Variants in ZIM2 observed in about 807,000 individuals in gnomAD.
ZIM2 encodes the protein zinc finger imprinted 2.
A neutral mutation model predicts 38.6 loss-of-function variants in ZIM2; 14 were observed. The observed-to-expected ratio is 0.36, with a 90% CI of 0.24 to 0.57. ZIM2 has a LOEUF of 0.57. Ranked by LOEUF, ZIM2 falls within the 20% of genes least tolerant of loss-of-function variation. The probability of loss-of-function intolerance (pLI) is 0.81; values close to 1 mark genes in which losing one functional copy is unlikely to be tolerated. For synonymous variants in ZIM2, 247 were observed against 245.8 expected (o/e 1.00, Z -0.04); for missense variants, 680 against 695.1 (o/e 0.98, Z 0.24).
intron 6 of ZIM2, 61 bp downstream of exon 6, chr19:56,822,692 G>T (rs1039516807): frequency 6.3e-7 from 1 of 1,592,908 alleles, no homozygotes; most frequent in African/African-American, 1.3e-5. Context: ...CTTTCCCCTT[G>T]AACCTGTGCA....
At chr19:56,778,785 A>C (rs78848745) in intron 12 of ZIM2, among the ~76,000 whole-genome samples, 2,511 of 152,238 alleles carry the variant, frequency 0.016, 81 homozygotes, top group African/African-American at 0.057. Context: ...GCCGCTGCAC[A>C]TGGTGACCCA....
At chr19:56,816,194 A>G (rs1213772659) in intron 9 of ZIM2, 1 of 1,614,080 alleles carries the variant, frequency 6.2e-7, no homozygotes, top group Non-Finnish European at 8.5e-7. Flanking sequence ...CTAATGGTGA[A>G]CGCCTTTTCG....
intron 2 of ZIM2, among the ~76,000 whole-genome samples, chr19:56,829,096 A>C (rs990415762): frequency 1.3e-5 from 2 of 152,256 alleles, no homozygotes; most frequent in Non-Finnish European, 2.9e-5. Flanking sequence ...CACGCCTGTA[A>C]TCCCAGCACT....
intron 3 of ZIM2, chr19:56,824,868 C>T (rs998499435): frequency 3.7e-6 from 2 of 544,634 alleles, no homozygotes; most frequent in Non-Finnish European, 6.5e-6. Context: ...AGGCAAACAA[C>T]CGCACAAAGT....
intron 9 of ZIM2, chr19:56,812,111 A>T (rs2059581040): frequency 1.0e-6 from 1 of 974,708 alleles, no homozygotes; most frequent in Non-Finnish European, 1.2e-6. Flanking sequence ...CATTTTGCAA[A>T]TCTTTTTTTT....
chr19:56,827,828 T>C (rs1017311295), intron 2 of ZIM2, among the ~76,000 whole-genome samples: 3 of 152,178 alleles, frequency 2.0e-5, no homozygotes, highest in East Asian at 3.9e-4. Context: ...CAGCACTGTA[T>C]ACAGCATTCT....
intron 10 of ZIM2, among the ~76,000 whole-genome samples, chr19:56,785,157 C>T (rs973869383): frequency 5.3e-5 from 8 of 152,168 alleles, no homozygotes; most frequent in Non-Finnish European, 1.0e-4. Flanking sequence ...TCTCACATGG[C>T]ACCATCAGCA....
In ZIM2 at chr19:56,775,049, T is replaced by G. The variant is rs8112407; in HGVS notation, c.1316A>C (p.Gln439Pro). 4.3e-6 allele frequency: 7 copies of G among 1,614,064 alleles called. No homozygotes were observed. The South Asian group carries it at 6.6e-5, about 15-fold the overall frequency. ...NLCERVRIHS[Q>P]EDYFECFQCG... ...CTGAAAACATTCAAAGTAGTCCTCC[T>G]GACTGTGAATTCTTACACGTTCACA... The change falls in exon 13 of 13, where the codon CAG becomes CCG. Residue 439 changes from glutamine to proline, a missense_variant. Transcript: ENST00000629319.
intron 1 of ZIM2, among the ~76,000 whole-genome samples, chr19:56,840,268 A>G (rs1026707929): frequency 4.6e-5 from 7 of 152,276 alleles, no homozygotes; most frequent in African/African-American, 1.7e-4. Context: ...GCCAGTCAGA[A>G]AGGCGCGGAG....
intron 12 of ZIM2, among the ~76,000 whole-genome samples, chr19:56,778,917 G>A (rs1027929553): frequency 5.9e-5 from 9 of 152,090 alleles, no homozygotes; most frequent in African/African-American, 1.4e-4. Flanking sequence ...AGAAAAGAGC[G>A]TATATGTGTG....
At position 56,814,933 on chromosome 19, in the gene ZIM2, TC is replaced by T; in HGVS notation, c.490+2812del. The T allele has an allele frequency of 6.2e-7, 1 of 1,614,102 alleles. No homozygotes were observed. Among genetic ancestry groups the T allele is most frequent in the Non-Finnish European group, 8.5e-7 (1 of 1,179,998 alleles). ...AAGGAATGAGCTATGAATAAAAGAT[TC>T]CCCACACTTTGGACATTCATACAGC... On this transcript the variant is annotated intron_variant, in intron 9 of 12. Transcript: ENST00000629319. This position sits in a 1 kb window ranked among gnomAD's most constrained non-coding sequence, Gnocchi z 5.8.
At chr19:56,823,463 T>A (rs931042441) in intron 5 of ZIM2, 127 bp downstream of exon 5, 11 of 991,404 alleles carry the variant, frequency 1.1e-5, no homozygotes, top group African/African-American at 1.6e-5. Flanking sequence ...TCTCCTCAGA[T>A]CTCTGAGTGA....
chr19:56,802,579 A>T (rs1014108617), intron 9 of ZIM2, among the ~76,000 whole-genome samples: 1 of 152,202 alleles, frequency 6.6e-6, no homozygotes, highest in Admixed American at 6.5e-5. Flanking sequence ...CCTAATCCTT[A>T]TACTCTATGG....
intron 4 of ZIM2, 54 bp from the exon 5 acceptor site, chr19:56,823,733 G>GT (rs2060734883): frequency 1.9e-6 from 3 of 1,596,250 alleles, no homozygotes; most frequent in Non-Finnish European, 2.6e-6. Flanking sequence ...TCTCACAATA[G>GT]TTCCCCCCAA....
chr19:56,819,243 C>T (rs540451281), intron 7 of ZIM2, among the ~76,000 whole-genome samples: 12 of 152,288 alleles, frequency 7.9e-5, no homozygotes, highest in African/African-American at 2.6e-4. Flanking sequence ...TGACTTAAAC[C>T]TCCCTCCCGG....
At chr19:56,826,690 C>CA (rs1469576858) in intron 2 of ZIM2, among the ~76,000 whole-genome samples, 1 of 152,088 alleles carries the variant, frequency 6.6e-6, no homozygotes, top group East Asian at 1.9e-4. Flanking sequence ...GTCAAAAACG[C>CA]AAGACAAAGA....
intron 9 of ZIM2, chr19:56,811,819 A>G (rs1484003527): frequency 1.0e-6 from 1 of 985,406 alleles, no homozygotes; most frequent in African/African-American, 1.7e-5. Flanking sequence ...CACCCCGCTC[A>G]ATTCATTCTC....
At chr19:56,792,395 G>T (rs2046979257) in intron 9 of ZIM2, among the ~76,000 whole-genome samples, 1 of 151,590 alleles carries the variant, frequency 6.6e-6, no homozygotes, top group African/African-American at 2.4e-5. Flanking sequence ...GCCAGGCGTG[G>T]TGGTGGGCCC....
intron 7 of ZIM2, among the ~76,000 whole-genome samples, chr19:56,820,830 C>T (rs574712188): frequency 2.1e-4 from 32 of 152,346 alleles, no homozygotes; most frequent in Admixed American, 5.9e-4. Flanking sequence ...CTGCTGTGCC[C>T]CCCAGGGCCT....
Sources: gnomAD v4.1 joint callset for allele counts (sites outside exome capture counted in the v4.1 genomes callset) on GRCh38, gnomAD v4.1.1 for gene constraint, Gnocchi (gnomAD v3.1) non-coding constraint, MANE v1.5 for transcripts, NCBI Gene and HGNC (gene_info 2026-07-23, HGNC 2026-07-21) for gene names.